Variants in HIVEP1 observed in about 807,000 individuals in gnomAD.
HIVEP1 encodes HIVEP zinc finger 1.
A neutral mutation model predicts 180.0 loss-of-function variants in HIVEP1; 36 were observed. That is an observed-to-expected ratio of 0.20 (90% CI 0.15 to 0.26). The LOEUF is 0.26. Ranked by LOEUF, HIVEP1 falls within the 10% of genes least tolerant of loss-of-function variation. The probability of loss-of-function intolerance (pLI) is 1.00; values close to 1 mark genes in which losing one functional copy is unlikely to be tolerated. For missense variants in HIVEP1, 3,143 were observed against 3,268.7 expected (o/e 0.96, Z 0.94); for synonymous variants, 1,239 against 1,239.0 (o/e 1.00, Z 0.00).
At chr6:12,047,647 G>T (rs1202267772) in intron 2 of HIVEP1, among the ~76,000 whole-genome samples, 1 of 152,240 alleles carries the variant, frequency 6.6e-6, no homozygotes, top group Non-Finnish European at 1.5e-5. Context: ...GCTGATTGCT[G>T]TTAAGAGTTT....
chr6:12,037,649 T>C, intron 2 of HIVEP1: 1 of 395,942 alleles, frequency 2.5e-6, no homozygotes, highest in Non-Finnish European at 4.5e-6. Flanking sequence ...TCCTGTTTTC[T>C]TTTTAAATGT....
At chr6:12,017,783 G>A (rs917743644) in intron 2 of HIVEP1, among the ~76,000 whole-genome samples, 2 of 152,234 alleles carry the variant, frequency 1.3e-5, no homozygotes, top group Admixed American at 1.3e-4. Flanking sequence ...TAGATAAAGA[G>A]TGCTGATTGG....
intron 7 of HIVEP1, among the ~76,000 whole-genome samples, chr6:12,143,637 C>T (rs1211718850): frequency 2.6e-5 from 4 of 152,120 alleles, no homozygotes; most frequent in Non-Finnish European, 4.4e-5. Flanking sequence ...TTAGAAAACC[C>T]CATTGTCTCA....
the HIVEP1 span, among the ~76,000 whole-genome samples, chr6:12,178,364 G>T: frequency 2.0e-5 from 3 of 152,176 alleles, no homozygotes; most frequent in Admixed American, 1.3e-4. Flanking sequence ...CGAGGTGGGA[G>T]GATTACATGG....
chr6:12,052,334 A>G (rs1298236095), intron 2 of HIVEP1, among the ~76,000 whole-genome samples: 1 of 152,246 alleles, frequency 6.6e-6, no homozygotes, highest in Non-Finnish European at 1.5e-5. Context: ...GTAGAGCATG[A>G]TGGAATATCT....
At chr6:12,036,127 A>G (rs1460380306) in intron 2 of HIVEP1, among the ~76,000 whole-genome samples, 2 of 152,228 alleles carry the variant, frequency 1.3e-5, no homozygotes, top group Non-Finnish European at 2.9e-5. Context: ...CTGATGACAT[A>G]GTAGAGCTTT....
Position 12,121,236 on chromosome 6 carries a change from A to G in HIVEP1, c.1441A>G (p.Lys481Glu). ...CTTGTTCTTGTCCCACGAGTCCCCC[A>G]AAGCACTTAGTATTCATTCAGACGT... ...GGLFLSHESP[K>E]ALSIHSDVED... is the part of the protein sequence containing the mutation. The change falls in exon 4 of 9, where the codon AAA becomes GAA. Residue 481 changes from lysine to glutamate, a missense_variant. Coordinates refer to ENST00000379388, the MANE Select transcript of HIVEP1 (RefSeq NM_002114.4). This position sits in a 1 kb window ranked among gnomAD's most constrained non-coding sequence, Gnocchi z 5.3. The G allele has an allele frequency of 1.2e-6, 2 of 1,614,148 alleles. No individual in the cohort carries two copies. The highest frequency in any genetic ancestry group is 1.1e-5 in the South Asian group (1 of 91,086).
the HIVEP1 span, among the ~76,000 whole-genome samples, chr6:12,205,593 T>C: frequency 4.6e-5 from 7 of 152,354 alleles, no homozygotes; most frequent in South Asian, 1.4e-3. Flanking sequence ...TCTTGCTAGT[T>C]GTGTGACTGA....
chr6:12,040,503 T>A (rs149834718), intron 2 of HIVEP1, among the ~76,000 whole-genome samples: 1 of 152,342 alleles, frequency 6.6e-6, no homozygotes, highest in Admixed American at 6.5e-5. Context: ...GTTTTGTTTT[T>A]TGTAGAAAGA....
intron 2 of HIVEP1, among the ~76,000 whole-genome samples, chr6:12,070,762 C>G (rs1378612724): frequency 6.6e-6 from 1 of 152,164 alleles, no homozygotes; most frequent in Admixed American, 6.5e-5. Flanking sequence ...GTGACCTGAC[C>G]ATTTATAAAA....
chr6:12,121,267 A>T lies in HIVEP1; in HGVS notation c.1472A>T (p.Asp491Val), dbSNP rs769243742. 1 of 1,614,178 alleles carries T rather than the reference A, an allele frequency of 6.2e-7. No individual in the cohort carries two copies. Among genetic ancestry groups the T allele is most frequent in the South Asian group, 1.1e-5 (1 of 91,088 alleles). The change falls in exon 4 of 9, where the codon GAC becomes GTC. Residue 491 changes from aspartate to valine, a missense_variant. Physicochemically the swap from Asp to Val is radical, Grantham distance 152. Coordinates refer to ENST00000379388, the MANE Select transcript of HIVEP1 (RefSeq NM_002114.4). The surrounding 1 kb of genome is among the most constrained non-coding windows in gnomAD (Gnocchi z 5.3). The part of the protein sequence containing the change: ...KALSIHSDVE[D>V]SGESEEEGAT... ...CTTAGTATTCATTCAGACGTAGAAG[A>T]CAGTGGGGAGAGCGAGGAGGAAGGC...
At chr6:12,168,283 TTATATACATATATACA>T (rs1554161578), downstream of HIVEP1, among the ~76,000 whole-genome samples, 17 of 117,588 alleles carry the variant, frequency 1.4e-4, no homozygotes, top group African/African-American at 5.5e-4. Flanking sequence ...TATACATATA[TTATATACATATATACA>T]TATATACATA....
chr6:12,210,287 GTTA>G, the HIVEP1 span, among the ~76,000 whole-genome samples: 6 of 152,168 alleles, frequency 3.9e-5, no homozygotes, highest in African/African-American at 1.4e-4. Context: ...TACAAAGCAC[GTTA>G]TGCCTCCGTC....
At chr6:12,204,071 C>G in the HIVEP1 span, among the ~76,000 whole-genome samples, 1 of 147,380 alleles carries the variant, frequency 6.8e-6, no homozygotes, top group East Asian at 2.1e-4. Flanking sequence ...AGTGAAACTC[C>G]ATCTGAAAAA....
intron 3 of HIVEP1, among the ~76,000 whole-genome samples, chr6:12,101,654 A>G (rs1008935573): frequency 6.6e-6 from 1 of 152,092 alleles, no homozygotes; most frequent in African/African-American, 2.4e-5. Flanking sequence ...TATTCACTTA[A>G]TGTAAAAGAA....
chr6:12,055,235 G>A (rs1431370804), intron 2 of HIVEP1, among the ~76,000 whole-genome samples: 1 of 152,208 alleles, frequency 6.6e-6, no homozygotes, highest in Non-Finnish European at 1.5e-5. Flanking sequence ...ATCACTTTGG[G>A]AGGCCAAGGC....
chr6:12,008,030 T>A (rs1767098524), upstream of HIVEP1: 1 of 147,798 alleles, frequency 6.8e-6, no homozygotes, highest in South Asian at 2.2e-4. Flanking sequence ...TCTTTATTAG[T>A]AATCTGTTAA....
At chr6:12,140,190 C>T (rs922273857) in intron 7 of HIVEP1, among the ~76,000 whole-genome samples, 2 of 152,220 alleles carry the variant, frequency 1.3e-5, no homozygotes, top group African/African-American at 4.8e-5. Flanking sequence ...TGCTGTTCTT[C>T]AGCCTCTGCT....
At chr6:12,035,612 G>A (rs546736155) in intron 2 of HIVEP1, among the ~76,000 whole-genome samples, 13 of 152,108 alleles carry the variant, frequency 8.5e-5, no homozygotes, top group African/African-American at 2.4e-4. Flanking sequence ...ACATTTAATC[G>A]TTTTAGAATT....
Sources: gnomAD v4.1 joint callset for allele counts (sites outside exome capture counted in the v4.1 genomes callset) on GRCh38, gnomAD v4.1.1 for gene constraint, Gnocchi (gnomAD v3.1) non-coding constraint, MANE v1.5 for transcripts, NCBI Gene and HGNC (gene_info 2026-07-23, HGNC 2026-07-21) for gene names.